The following PARP8 variants were observed in gnomAD, a reference collection of about 807,000 sequenced individuals.
PARP8 encodes the protein protein mono-ADP-ribosyltransferase PARP8.
A neutral mutation model predicts 124.1 loss-of-function variants in PARP8; 51 were observed. The observed-to-expected ratio is 0.41, with a 90% CI of 0.33 to 0.52. PARP8 has a LOEUF of 0.52. PARP8 is among the 20% of genes least tolerant of loss of function. PARP8 has a pLI of 0.21. For synonymous variants in PARP8, 391 were observed against 361.5 expected (o/e 1.08, Z -0.93); for missense variants, 860 against 1,018.9 (o/e 0.84, Z 2.12).
At chr5:50,666,482 G>C (rs1200595211), upstream of PARP8, 2 of 151,586 alleles carry the variant, frequency 1.3e-5, no homozygotes, top group Non-Finnish European at 2.9e-5. Context: ...GGGAGAAGCG[G>C]CTCCCGCCCG....
At chr5:50,731,907 A>G (rs1211543640) in intron 2 of PARP8, among the ~76,000 whole-genome samples, 1 of 152,206 alleles carries the variant, frequency 6.6e-6, no homozygotes, top group African/African-American at 2.4e-5. Flanking sequence ...TGCCCTCTCC[A>G]TAAATATCCC....
At chr5:50,828,119 G>T in intron 20 of PARP8, 63 bp downstream of exon 20, 1 of 1,271,952 alleles carries the variant, frequency 7.9e-7, no homozygotes, top group Admixed American at 1.7e-5. Flanking sequence ...AATGTATGGG[G>T]AAGATATCAC....
intron 7 of PARP8, among the ~76,000 whole-genome samples, chr5:50,767,829 G>A (rs1211857515): frequency 6.6e-6 from 1 of 152,310 alleles, no homozygotes. Context: ...TGCAGAGATA[G>A]ACATGCAAGC....
chr5:50,795,097 G>A lies in PARP8; in HGVS notation c.1108G>A (p.Ala370Thr). The A allele has an allele frequency of 6.2e-7, 1 of 1,614,212 alleles. No homozygotes were observed. Among genetic ancestry groups the A allele is most frequent in the South Asian group, 1.1e-5 (1 of 91,090 alleles). Residue 370 changes from alanine (A) to threonine (T), a missense_variant, in exon 12 of 26, where the codon GCT becomes ACT. Physicochemically the swap from Ala to Thr is moderately conservative, Grantham distance 58 (BLOSUM62 0). Coordinates refer to ENST00000281631, the MANE Select transcript of PARP8 (RefSeq NM_024615.4). ...HKLLNRPCPA[A>T]VKSEECLTLK... ...ACTTTTGAACCGTCCTTGCCCTGCA[G>A]CTGTTAAGTCAGAGGAATGCCTAAC... is the stretch of plus-strand genomic sequence containing the variant.
At chr5:50,695,090 C>T (rs1326056057) in intron 2 of PARP8, among the ~76,000 whole-genome samples, 4 of 152,172 alleles carry the variant, frequency 2.6e-5, no homozygotes, top group Admixed American at 1.3e-4. Context: ...AAATGTTCAT[C>T]TCCTTTGGCA....
chr5:50,792,333 G>A (rs1400545314), intron 10 of PARP8, among the ~76,000 whole-genome samples: 15 of 152,120 alleles, frequency 9.9e-5, no homozygotes, highest in Non-Finnish European at 2.2e-4. Flanking sequence ...AACATTGAAT[G>A]TCTTTTAGAA....
chr5:50,705,394 T>C (rs1415394342), intron 2 of PARP8, among the ~76,000 whole-genome samples: 1 of 152,162 alleles, frequency 6.6e-6, no homozygotes, highest in Non-Finnish European at 1.5e-5. Context: ...TTAAAAATAA[T>C]AGTGTCTATA....
Position 50,794,920 on chromosome 5 carries a change from A to G in PARP8, c.931A>G (p.Ile311Val). 2 of 1,614,182 alleles carry G rather than the reference A, an allele frequency of 1.2e-6. No individual in the cohort carries two copies. Among genetic ancestry groups the G allele is most frequent in the Non-Finnish European group, 1.7e-6 (2 of 1,180,024 alleles). Residue 311 changes from isoleucine to valine, a missense_variant, in exon 12 of 26, where the codon ATC becomes GTC. Coordinates refer to ENST00000281631, the MANE Select transcript of PARP8 (RefSeq NM_024615.4). ...CAAACTGAAATCTGAGCAGGACGGA[A>G]TCTCCAAAACGCATAAGCTGCTGCG... ...KSKLKSEQDG[I>V]SKTHKLLRRT... is the part of the protein sequence containing the mutation.
intron 2 of PARP8, among the ~76,000 whole-genome samples, chr5:50,690,726 C>G (rs914728488): frequency 1.3e-5 from 2 of 152,166 alleles, no homozygotes; most frequent in Non-Finnish European, 2.9e-5. Context: ...GATAGAAACT[C>G]AACAGTGGCA....
intron 2 of PARP8, among the ~76,000 whole-genome samples, chr5:50,677,877 G>T (rs1750817320): frequency 6.6e-6 from 1 of 151,178 alleles, no homozygotes; most frequent in Admixed American, 6.6e-5. Flanking sequence ...GTATCTTTCT[G>T]AAGGCAAAGA....
Position 50,667,059 on chromosome 5 carries a change from G to A in PARP8, c.-37G>A, listed in dbSNP as rs775573239. 2.5e-6 allele frequency: 4 copies of A among 1,596,184 alleles called. No individual in the cohort carries two copies. The highest frequency in any genetic ancestry group is 1.7e-6 in the Non-Finnish European group (2 of 1,179,686). On this transcript the variant is annotated 5_prime_UTR_variant, in exon 1 of 26. Coordinates refer to ENST00000281631, the MANE Select transcript of PARP8 (RefSeq NM_024615.4). The stretch of plus-strand genomic sequence containing the variant: ...GCGTGCGAGGGGGGTGGGGTGGGGT[G>A]GAAATAGCGGCTGCTTCTTTTCCAG...
chr5:50,798,402 T>C (rs1742795973), intron 14 of PARP8, among the ~76,000 whole-genome samples: 1 of 151,254 alleles, frequency 6.6e-6, no homozygotes, highest in Non-Finnish European at 1.5e-5. Context: ...CTAGTATGTG[T>C]GAAGCGGTTT....
At chr5:50,741,347 A>G (rs1758022092) in intron 2 of PARP8, among the ~76,000 whole-genome samples, 1 of 152,232 alleles carries the variant, frequency 6.6e-6, no homozygotes, top group South Asian at 2.1e-4. Context: ...AAAGAAAAAG[A>G]GAGAAGCACA....
chr5:50,805,438 A>T (rs1438146871), intron 14 of PARP8, among the ~76,000 whole-genome samples: 1 of 152,030 alleles, frequency 6.6e-6, no homozygotes. Flanking sequence ...ACTAAGATTT[A>T]TAGAGGTTAA....
intron 14 of PARP8, among the ~76,000 whole-genome samples, chr5:50,812,947 G>A (rs374239295): frequency 8.6e-5 from 13 of 151,892 alleles, no homozygotes; most frequent in Admixed American, 2.0e-4. Context: ...TGTTCCATTG[G>A]TCTATATCTC....
At chr5:50,695,041 C>T (rs10043477) in intron 2 of PARP8, among the ~76,000 whole-genome samples, 137,185 of 152,182 alleles carry the variant, frequency 0.9, 61,889 homozygotes, top group East Asian at 1. Flanking sequence ...CCCACCCAGA[C>T]TGACTCGGAT....
At chr5:50,694,100 C>T (rs1335103109) in intron 2 of PARP8, among the ~76,000 whole-genome samples, 2 of 152,120 alleles carry the variant, frequency 1.3e-5, no homozygotes, top group African/African-American at 4.8e-5. Context: ...TATTTGTGAA[C>T]ATTTTATGTT....
chr5:50,808,663 G>A lies in PARP8; in HGVS notation c.1576-6769G>A, dbSNP rs547799112. Among the ~76,000 whole-genome samples the A allele has an allele frequency of 2.0e-5, 3 of 152,104 alleles. No individual in the cohort carries two copies. The East Asian group carries it at 5.8e-4, about 29-fold the overall frequency. On this transcript the variant is annotated intron_variant, in intron 14 of 25. Transcript: ENST00000281631. ...GCTGTGAAATTACAGCTATCCGTTT[G>A]GGAACAAAAGGAAAGCAGTATGGCC...
chr5:50,787,938 A>G (rs1275268346), intron 9 of PARP8, among the ~76,000 whole-genome samples: 2 of 149,740 alleles, frequency 1.3e-5, no homozygotes, highest in Non-Finnish European at 3.0e-5. Flanking sequence ...ACATACATAT[A>G]TATACACACA....
Sources: gnomAD v4.1 joint callset for allele counts (sites outside exome capture counted in the v4.1 genomes callset) on GRCh38, gnomAD v4.1.1 for gene constraint, MANE v1.5 for transcripts, NCBI Gene and HGNC (gene_info 2026-07-23, HGNC 2026-07-21) for gene names.